MTCL2: variants seen among roughly 807,000 people sequenced by gnomAD.
MTCL2 encodes the protein microtubule cross-linking factor 2.
At chr20:36,863,499 C>A in the MTCL2 span, 1 of 434,636 alleles carries the variant, frequency 2.3e-6, no homozygotes, top group Non-Finnish European at 3.3e-6. This position sits in a 1 kb window ranked among gnomAD's most constrained non-coding sequence, Gnocchi z 6.2. Flanking sequence ...TCCCAAGCCC[C>A]GCCGCGCGGT....
At chr20:36,835,857 C>T in the MTCL2 span, among the ~76,000 whole-genome samples, 11 of 152,314 alleles carry the variant, frequency 7.2e-5, no homozygotes, top group East Asian at 1.7e-3. Context: ...GCCTCCCCGC[C>T]GCCGCCGCCG....
At chr20:36,859,201 A>G in the MTCL2 span, among the ~76,000 whole-genome samples, 65,769 of 151,732 alleles carry the variant, frequency 0.43, 15,176 homozygotes, top group Middle Eastern at 0.65. Context: ...AGGTCTTCAG[A>G]CTCCAACTCT....
At chr20:36,795,233 C>T in the MTCL2 span, among the ~76,000 whole-genome samples, 338 of 152,160 alleles carry the variant, frequency 2.2e-3, 2 homozygotes, top group African/African-American at 7.9e-3. Context: ...GCCACTGTGC[C>T]CAGCCTAACA....
the MTCL2 span, chr20:36,810,009 G>T: frequency 6.2e-7 from 1 of 1,601,784 alleles, no homozygotes; most frequent in South Asian, 1.1e-5. Flanking sequence ...TGAAATTGTC[G>T]GCCTCCTCCT....
At chr20:36,860,896 C>A in the MTCL2 span, among the ~76,000 whole-genome samples, 122 of 152,090 alleles carry the variant, frequency 8.0e-4, 1 homozygote, top group Non-Finnish European at 3.2e-4. Flanking sequence ...CAGCTGGACC[C>A]CGGCCCCTGT....
chr20:36,804,728 G>C, the MTCL2 span: 1 of 1,611,300 alleles, frequency 6.2e-7, no homozygotes, highest in African/African-American at 1.3e-5. Flanking sequence ...ACAGGTGGGG[G>C]GCTCACCTGG....
chr20:36,804,444 G>T, the MTCL2 span, among the ~76,000 whole-genome samples: 1 of 152,196 alleles, frequency 6.6e-6, no homozygotes, highest in African/African-American at 2.4e-5. Context: ...ATGAGGAAAT[G>T]AAGGAGCAAA....
the MTCL2 span, among the ~76,000 whole-genome samples, chr20:36,824,554 G>T: frequency 6.6e-6 from 1 of 152,142 alleles, no homozygotes; most frequent in Non-Finnish European, 1.5e-5. Context: ...ACTTTTTGGG[G>T]CCATGGAAAT....
chr20:36,825,426 G>C, the MTCL2 span, among the ~76,000 whole-genome samples: 36 of 152,318 alleles, frequency 2.4e-4, no homozygotes, highest in South Asian at 4.1e-4. Flanking sequence ...CACAGAGTGA[G>C]GGCTCAAACA....
chr20:36,784,318 A>T, the MTCL2 span: 1 of 986,072 alleles, frequency 1.0e-6, no homozygotes, highest in South Asian at 4.7e-5. Flanking sequence ...TGGGGCATGG[A>T]GGAGGCGGCT....
chr20:36,814,451 T>C, the MTCL2 span, among the ~76,000 whole-genome samples: 1 of 152,328 alleles, frequency 6.6e-6, no homozygotes, highest in South Asian at 2.1e-4. Flanking sequence ...ACTGAACATT[T>C]AAAATGTGAC....
the MTCL2 span, among the ~76,000 whole-genome samples, chr20:36,836,038 C>T: frequency 1.7e-4 from 26 of 151,744 alleles, 1 homozygote; most frequent in African/African-American, 6.3e-4. Context: ...CCAGCTATTC[C>T]CTCCCCCTCC....
the MTCL2 span, among the ~76,000 whole-genome samples, chr20:36,811,915 A>T: frequency 6.6e-6 from 1 of 152,200 alleles, no homozygotes; most frequent in African/African-American, 2.4e-5. Context: ...AGTCCGTAGG[A>T]GCCTTTTCCT....
chr20:36,842,045 A>C, the MTCL2 span, among the ~76,000 whole-genome samples: 456 of 152,130 alleles, frequency 3.0e-3, 2 homozygotes, highest in African/African-American at 0.01. Flanking sequence ...TTTGGGTTTT[A>C]AGCAGAGAGG....
At chr20:36,794,639 ATAACACTGAGG>A in the MTCL2 span, 1 of 1,613,620 alleles carries the variant, frequency 6.2e-7, no homozygotes, top group Non-Finnish European at 8.5e-7. This position sits in a 1 kb window ranked among gnomAD's most constrained non-coding sequence, Gnocchi z 5.4. Flanking sequence ...ATTAGTGGAA[ATAACACTGAGG>A]GCACACTCTG....
At chr20:36,859,525 G>A in the MTCL2 span, 1 of 1,117,398 alleles carries the variant, frequency 8.9e-7, no homozygotes, top group Non-Finnish European at 1.1e-6. Context: ...AAGCATGCAA[G>A]GTCATCCCGC....
chr20:36,816,179 C>T, the MTCL2 span: 11 of 1,613,554 alleles, frequency 6.8e-6, no homozygotes, highest in South Asian at 1.1e-5. Context: ...CCCCATAGAG[C>T]GAGCGGTACT....
the MTCL2 span, chr20:36,783,763 CA>C: frequency 1.0e-6 from 1 of 985,216 alleles, no homozygotes; most frequent in East Asian, 1.1e-4. Flanking sequence ...AAGAAACCAA[CA>C]AACTTAGAAA....
At chr20:36,839,434 A>G in the MTCL2 span, 3 of 1,613,132 alleles carry the variant, frequency 1.9e-6, no homozygotes, top group Non-Finnish European at 2.5e-6. The surrounding 1 kb of genome is among the most constrained non-coding windows in gnomAD (Gnocchi z 5.1). Flanking sequence ...CAGCTCCTCA[A>G]TCTCGTCCTG....
Sources: allele counts gnomAD v4.1 joint callset (sites outside exome capture counted in the v4.1 genomes callset), GRCh38; gene constraint gnomAD v4.1.1; non-coding constraint Gnocchi (gnomAD v3.1); transcripts MANE v1.5; gene names NCBI Gene and HGNC (gene_info 2026-07-23, HGNC 2026-07-21).